GPC5: variants seen among roughly 807,000 people sequenced by gnomAD.
GPC5 encodes the protein glypican 5, also known as glypican-5.
Under a neutral mutation model 53.9 loss-of-function variants are expected in GPC5, and 47 were observed. That is an observed-to-expected ratio of 0.87 (90% CI 0.69 to 1.11). GPC5 has a LOEUF of 1.11. Ranked by LOEUF, GPC5 falls within the 50% of genes most tolerant of loss-of-function variation. The probability of loss-of-function intolerance (pLI) is 0.00; values close to 1 mark genes in which losing one functional copy is unlikely to be tolerated. For synonymous variants in GPC5, 286 were observed against 263.3 expected, an observed-to-expected ratio of 1.09 and a Z score of -0.84; for missense variants, 748 against 713.1, an observed-to-expected ratio of 1.05 and a Z score of -0.56.
intron 7 of GPC5, among the ~76,000 whole-genome samples, chr13:92,842,657 T>TG (rs757885651): frequency 3.3e-5 from 3 of 91,220 alleles, no homozygotes; most frequent in African/African-American, 2.8e-4. Context: ...ACATAATTGT[T>TG]TTTTTTTTTT....
intron 2 of GPC5, among the ~76,000 whole-genome samples, chr13:91,504,708 A>G (rs903628744): frequency 5.3e-5 from 8 of 152,152 alleles, no homozygotes; most frequent in Admixed American, 1.3e-4. Flanking sequence ...CTTTAATCCT[A>G]GTGCTTTGGG....
chr13:91,950,990 G>GA (rs1295288578), intron 6 of GPC5, among the ~76,000 whole-genome samples: 1 of 151,992 alleles, frequency 6.6e-6, no homozygotes, highest in Non-Finnish European at 1.5e-5. Context: ...TCCTCCAATG[G>GA]AAAAAACTGC....
At position 92,337,202 on chromosome 13, in the gene GPC5, C is replaced by CA. The variant is rs11303172; in HGVS notation, c.1561+192225dup. On this transcript the variant is annotated intron_variant, in intron 7 of 7. Coordinates refer to ENST00000377067, the MANE Select transcript of GPC5 (RefSeq NM_004466.6). ...ATTTATGTTAGCAGCACCCCCCACC[C>CA]AAAAAAAAAAAAGAAATAGGTACAC... 5.3e-3 allele frequency among the ~76,000 whole-genome samples: 752 copies of CA among 142,582 alleles called. 3 individuals carry two copies. Among genetic ancestry groups the CA allele is most frequent in the Middle Eastern group, 7.2e-3 (2 of 276 alleles). 93.5% of individuals were successfully genotyped at this position (142,582 alleles called of 152,430 possible).
intron 2 of GPC5, among the ~76,000 whole-genome samples, chr13:91,595,479 G>A (rs2032960829): frequency 6.6e-6 from 1 of 151,974 alleles, no homozygotes; most frequent in Admixed American, 6.6e-5. Context: ...TCTTTAACTT[G>A]TGAATTATTC....
intron 2 of GPC5, among the ~76,000 whole-genome samples, chr13:91,586,559 TATGTAG>T (rs2032597177): frequency 3.4e-5 from 1 of 29,098 alleles, no homozygotes; most frequent in Non-Finnish European, 5.5e-5. Flanking sequence ...TATATATATA[TATGTAG>T]AGAGAGAGAG....
chr13:92,292,084 A>T (rs2043000717), intron 7 of GPC5, among the ~76,000 whole-genome samples: 1 of 152,218 alleles, frequency 6.6e-6, no homozygotes, highest in South Asian at 2.1e-4. Context: ...CCACTTGTTG[A>T]TTGATGGGCA....
At chr13:92,186,942 T>G (rs923333348) in intron 7 of GPC5, among the ~76,000 whole-genome samples, 1 of 152,082 alleles carries the variant, frequency 6.6e-6, no homozygotes, top group Non-Finnish European at 1.5e-5. Context: ...CAAAACCCCG[T>G]CTCTACTGAA....
intron 5 of GPC5, among the ~76,000 whole-genome samples, chr13:91,847,913 A>C (rs1329058254): frequency 6.6e-6 from 1 of 152,212 alleles, no homozygotes; most frequent in Non-Finnish European, 1.5e-5. Context: ...TAGAAAATAC[A>C]GCCTCAATTT....
chr13:92,116,273 A>AC (rs879508004), intron 6 of GPC5, among the ~76,000 whole-genome samples: 116 of 6,596 alleles, frequency 0.018, no homozygotes, highest in East Asian at 0.17. Context: ...AAACAAACAA[A>AC]AAAAAAAAAA....
intron 7 of GPC5, among the ~76,000 whole-genome samples, chr13:92,655,106 A>T (rs1456089319): frequency 6.6e-6 from 1 of 152,130 alleles, no homozygotes; most frequent in Non-Finnish European, 1.5e-5. Context: ...AATCCTATCC[A>T]CACCTTCATT....
chr13:91,619,512 A>T lies in GPC5; in HGVS notation c.326-73675A>T, dbSNP rs143023990. On this transcript the variant is annotated intron_variant, in intron 2 of 7. Transcript: ENST00000377067. Reference sequence around the variant, plus strand: ...GTAAGAGGCTTTCTATTTACTTAGTATTGCGGGGTAGGATTTTAATTGGTT... The same window carrying T: ...GTAAGAGGCTTTCTATTTACTTAGTTTTGCGGGGTAGGATTTTAATTGGTT... Among the ~76,000 whole-genome samples, 18 of 152,198 alleles carry T rather than the reference A, an allele frequency of 1.2e-4. No individual in the cohort carries two copies. In the East Asian group the frequency reaches 3.5e-3, roughly 29 times the overall value.
chr13:91,696,222 G>T (rs1259123862), intron 3 of GPC5, among the ~76,000 whole-genome samples: 4 of 152,120 alleles, frequency 2.6e-5, no homozygotes, highest in East Asian at 1.9e-4. Context: ...GTTTCCTAAA[G>T]AAGTTTTATA....
rs186439272 is a variant in GPC5, at chr13:91,572,307, A to T, written c.326-120880A>T. ...TATGTGTATATGTGTATATTTCACT[A>T]TAAAGTAGAATAAAATAACTTCGAG... On this transcript the variant is annotated intron_variant, in intron 2 of 7. Transcript: ENST00000377067. Among the ~76,000 whole-genome samples, 3 of 151,948 alleles carry T rather than the reference A, an allele frequency of 2.0e-5. No homozygotes were observed. The East Asian group carries it at 5.8e-4, about 30-fold the overall frequency.
At chr13:91,427,351 A>G (rs1325301006) in intron 1 of GPC5, among the ~76,000 whole-genome samples, 1 of 152,208 alleles carries the variant, frequency 6.6e-6, no homozygotes. Context: ...AGAGCTGCCC[A>G]AGACCATGGG....
At chr13:92,743,535 G>C (rs968545725) in intron 7 of GPC5, among the ~76,000 whole-genome samples, 8 of 151,990 alleles carry the variant, frequency 5.3e-5, no homozygotes, top group Admixed American at 2.6e-4. Context: ...CTGCAAATGG[G>C]GACAATTTGA....
At chr13:91,827,873 A>G (rs1205437708) in intron 5 of GPC5, among the ~76,000 whole-genome samples, 1 of 152,062 alleles carries the variant, frequency 6.6e-6, no homozygotes, top group African/African-American at 2.4e-5. Flanking sequence ...ATATCCATAT[A>G]AAGACTTGTT....
At chr13:92,846,188 A>C (rs948413154) in intron 7 of GPC5, among the ~76,000 whole-genome samples, 2 of 152,172 alleles carry the variant, frequency 1.3e-5, no homozygotes, top group African/African-American at 2.4e-5. Context: ...TGCTGAGCGA[A>C]GGAGGGAAAA....
intron 5 of GPC5, among the ~76,000 whole-genome samples, chr13:91,901,832 G>C (rs1218309088): frequency 6.6e-6 from 1 of 151,900 alleles, no homozygotes; most frequent in Non-Finnish European, 1.5e-5. Flanking sequence ...CTCTGGAAAT[G>C]GAAAGAATTT....
chr13:92,454,867 T>TA (rs904296669), intron 7 of GPC5, among the ~76,000 whole-genome samples: 12 of 152,114 alleles, frequency 7.9e-5, no homozygotes, highest in South Asian at 2.1e-4. Context: ...CCATTCTGCT[T>TA]AAAAAAATGC....
Sources: allele counts gnomAD v4.1 joint callset (sites outside exome capture counted in the v4.1 genomes callset), GRCh38; gene constraint gnomAD v4.1.1; transcripts MANE v1.5; gene names NCBI Gene and HGNC (gene_info 2026-07-23, HGNC 2026-07-21).